The following ZW10 variants were observed in gnomAD, a reference collection of about 807,000 sequenced individuals.
The protein encoded by ZW10 is zw10 kinetochore protein, also known as centromere/kinetochore protein zw10 homolog.
A neutral mutation model predicts 87.8 loss-of-function variants in ZW10; 53 were observed. The ratio of observed to expected loss-of-function variants is 0.60; its 90% CI spans 0.48 to 0.76. ZW10 has a LOEUF of 0.76. Among genes scored for constraint, ZW10 ranks in the 30% least tolerant of loss-of-function variants. The probability of loss-of-function intolerance (pLI) is 0.00; values close to 1 mark genes in which losing one functional copy is unlikely to be tolerated. For missense variants in ZW10, 837 were observed against 923.0 expected, an observed-to-expected ratio of 0.91 and a Z score of 1.21; for synonymous variants, 312 against 329.2, an observed-to-expected ratio of 0.95 and a Z score of 0.57.
intron 11 of ZW10, among the ~76,000 whole-genome samples, chr11:113,740,352 A>AC (rs1007422765): frequency 1.3e-5 from 2 of 152,100 alleles, no homozygotes; most frequent in African/African-American, 4.8e-5. Flanking sequence ...ATTTTGAGAG[A>AC]CCAAGGCAGG....
chr11:113,768,776 A>G (rs1365232298), intron 2 of ZW10, 57 bp downstream of exon 2: 8 of 1,587,840 alleles, frequency 5.0e-6, no homozygotes, highest in Non-Finnish European at 6.9e-6. Flanking sequence ...TGTCTTAGCA[A>G]TCAGGAAGCT....
rs941153257 is a variant in ZW10 at position 113,733,199 on chromosome 11, A to T, written c.*495T>A. The T allele has an allele frequency of 6.5e-6, 1 of 153,072 alleles. No homozygotes were observed. Among genetic ancestry groups the T allele is most frequent in the African/African-American group, 2.4e-5 (1 of 41,456 alleles). The allele number at this position is 153,072 out of a possible 1,614,324, so 9.5% of individuals were successfully genotyped here. ...CACTCACCCTTAATTGTAAAAAGCA[A>T]TATTTATTGGAAAGAAATATTACAG... On this transcript the variant is annotated 3_prime_UTR_variant, in exon 16 of 16. Transcript: ENST00000200135.
In ZW10 at chr11:113,768,905, C is replaced by T. The variant is rs547340578; in HGVS notation, c.168G>A (p.Ala56=). The T allele has an allele frequency of 3.3e-5, 53 of 1,614,126 alleles. No individual in the cohort carries two copies. Among genetic ancestry groups the T allele is most frequent in the South Asian group, 8.8e-5 (8 of 91,084 alleles). The change falls in exon 2 of 16, where the codon GCG becomes GCA. Residue 56 remains alanine, a synonymous_variant. Coordinates refer to ENST00000200135, the MANE Select transcript of ZW10 (RefSeq NM_004724.4). The part of the protein sequence containing the change: ...YSEFLPSMQS[A]QGLITQVDKL... Reference sequence around the variant, plus strand: ...TATCCACCTGGGTAATCAGGCCCTGCGCGCTCTGCATGCTAGGCAGGAATT... The same window carrying T: ...TATCCACCTGGGTAATCAGGCCCTGTGCGCTCTGCATGCTAGGCAGGAATT...
intron 7 of ZW10, among the ~76,000 whole-genome samples, chr11:113,755,859 A>G (rs1311817287): frequency 6.6e-6 from 1 of 152,226 alleles, no homozygotes; most frequent in East Asian, 1.9e-4. Context: ...TGACTCACTG[A>G]AGGCTCAGAT....
At chr11:113,762,933 A>C (rs1359335220) in intron 2 of ZW10, among the ~76,000 whole-genome samples, 1 of 152,234 alleles carries the variant, frequency 6.6e-6, no homozygotes, top group Non-Finnish European at 1.5e-5. Flanking sequence ...CATGTGCAGA[A>C]CACGCAGGTT....
chr11:113,752,589 T>C (rs1953744570), intron 7 of ZW10, among the ~76,000 whole-genome samples: 1 of 152,354 alleles, frequency 6.6e-6, no homozygotes, highest in African/African-American at 2.4e-5. Context: ...TTCAAACTTT[T>C]TCATGATCTG....
At chr11:113,745,744 AAAC>A (rs1258107783) in intron 9 of ZW10, among the ~76,000 whole-genome samples, 2 of 152,256 alleles carry the variant, frequency 1.3e-5, no homozygotes, top group African/African-American at 2.4e-5. Flanking sequence ...TGTAAAAACC[AAAC>A]AACAACAAAA....
chr11:113,766,362 CA>C (rs1364165526), intron 2 of ZW10, among the ~76,000 whole-genome samples: 2 of 151,200 alleles, frequency 1.3e-5, no homozygotes, highest in Non-Finnish European at 2.9e-5. Flanking sequence ...GAAACCGTCT[CA>C]AAAAAATAAA....
intron 5 of ZW10, 125 bp from the exon 6 acceptor site, chr11:113,758,831 A>G (rs887836969): frequency 2.3e-6 from 2 of 883,804 alleles, no homozygotes; most frequent in Non-Finnish European, 3.4e-6. Context: ...TAATGCAACC[A>G]AATATGAATT....
intron 14 of ZW10, 23 bp downstream of exon 14, chr11:113,737,549 G>C (rs1953567092): frequency 6.4e-7 from 1 of 1,564,476 alleles, no homozygotes; most frequent in Non-Finnish European, 8.7e-7. Flanking sequence ...CTCAAGGCTA[G>C]TGTAGCATCT....
In ZW10 at chr11:113,758,558, T is replaced by A. The variant is rs1005434782; in HGVS notation, c.729A>T (p.Ser243=). ...VLGELHSKLK[S]FGQMLLKYIL... ...AAACAAAGTAGCATGCCTTACCAAA[T>A]GATTTAAGCTTGCTGTGTAGTTCTC... The change falls in exon 6 of 16, where the codon TCA becomes TCT. Residue 243 remains serine (S), a synonymous_variant. Coordinates refer to ENST00000200135, the MANE Select transcript of ZW10 (RefSeq NM_004724.4). The A allele has an allele frequency of 1.9e-6, 3 of 1,613,130 alleles. No individual in the cohort carries two copies. The highest frequency in any genetic ancestry group is 3.3e-5 in the Admixed American group (2 of 59,818).
At position 113,760,338 on chromosome 11, in the gene ZW10, T is replaced by C. The variant is rs138036646; in HGVS notation, c.451A>G (p.Arg151Gly). 3.1e-6 allele frequency: 5 copies of C among 1,613,916 alleles called. No homozygotes were observed. The African/African-American group carries it at 6.7e-5, about 22-fold the overall frequency. The change falls in exon 5 of 16, where the codon AGA becomes GGA. Residue 151 changes from arginine to glycine, a missense_variant. Arg to Gly is a moderately radical substitution (Grantham distance 125). Transcript: ENST00000200135. The stretch of plus-strand genomic sequence containing the variant: ...AATATTTTTAAATCAAAGCATTTTC[T>C]GGATTTTAATAACTTCAAGCATTTC... The part of the protein sequence containing the change: ...AQKCLKLLKS[R>G]KCFDLKILKS...
intron 7 of ZW10, among the ~76,000 whole-genome samples, chr11:113,750,063 T>A (rs1026581960): frequency 6.6e-6 from 1 of 152,254 alleles, no homozygotes; most frequent in Non-Finnish European, 1.5e-5. Flanking sequence ...ATACTCATTT[T>A]AATTATGATA....
rs376169968 is a variant in ZW10 at position 113,760,166 on chromosome 11, T to A, written c.580+43A>T. On this transcript the variant is annotated intron_variant, in intron 5 of 15. Transcript: ENST00000200135. ...GAATATATTCAGACACTACACTGGT[T>A]CAGGCAGATGAAGCAAAGCAGTCCA... The A allele has an allele frequency of 8.4e-5, 134 of 1,598,112 alleles. No individual in the cohort carries two copies. The Middle Eastern group carries it at 1.2e-3, about 14-fold the overall frequency.
chr11:113,739,570 T>C (rs909101626), intron 11 of ZW10, among the ~76,000 whole-genome samples, 188 bp from the exon 12 acceptor site: 1 of 152,316 alleles, frequency 6.6e-6, no homozygotes, highest in Admixed American at 6.5e-5. Flanking sequence ...CTGAATGGGA[T>C]TTTATCCTAT....
chr11:113,758,537 A>T lies in ZW10; in HGVS notation c.733+17T>A, dbSNP rs779354496. The T allele has an allele frequency of 1.2e-6, 2 of 1,610,130 alleles. No homozygotes were observed. Among genetic ancestry groups the T allele is most frequent in the South Asian group, 2.2e-5 (2 of 90,050 alleles). ...TCAGGAGATTTTGTGTAAATGAAACAAAGTAGCATGCCTTACCAAATGATT... is the reference window on the plus strand; with the variant it reads ...TCAGGAGATTTTGTGTAAATGAAACTAAGTAGCATGCCTTACCAAATGATT... On this transcript the variant is annotated intron_variant, in intron 6 of 15. Transcript: ENST00000200135.
chr11:113,739,984 C>T (rs1330412171), intron 11 of ZW10, among the ~76,000 whole-genome samples: 1 of 152,170 alleles, frequency 6.6e-6, no homozygotes, highest in Non-Finnish European at 1.5e-5. Context: ...AATTCTTCTA[C>T]ACGTATTAGT....
At position 113,733,787 on chromosome 11, in the gene ZW10, T is replaced by C. The variant is rs772908829; in HGVS notation, c.2247A>G (p.Ala749=). 3.7e-6 allele frequency: 6 copies of C among 1,610,750 alleles called. No individual in the cohort carries two copies. The highest frequency in any genetic ancestry group is 5.1e-6 in the Non-Finnish European group (6 of 1,177,896). ...TTACTTCACTGGAAGAGAACGCAGC[T>C]GCCAGGGGTCCTTTTCCATCTGCCC... is the stretch of plus-strand genomic sequence containing the variant. ...DRWADGKGPL[A]AAFSSSEVKA... The change falls in exon 16 of 16, where the codon GCA becomes GCG. Residue 749 remains alanine, a synonymous_variant. Coordinates refer to ENST00000200135, the MANE Select transcript of ZW10 (RefSeq NM_004724.4).
intron 9 of ZW10, among the ~76,000 whole-genome samples, chr11:113,744,269 C>T (rs1429410762): frequency 6.6e-6 from 1 of 152,064 alleles, no homozygotes; most frequent in African/African-American, 2.4e-5. Flanking sequence ...CGCCTGTAGT[C>T]CCAGCTACTC....
Sources: allele counts gnomAD v4.1 joint callset (sites outside exome capture counted in the v4.1 genomes callset), GRCh38; gene constraint gnomAD v4.1.1; transcripts MANE v1.5; gene names NCBI Gene and HGNC (gene_info 2026-07-23, HGNC 2026-07-21).